Variants in GOLGA1 observed in about 807,000 individuals in gnomAD.
GOLGA1 encodes the protein golgin A1, also known as golgin subfamily A member 1.
GOLGA1 carries 63 observed loss-of-function variants against 119.7 expected under a neutral mutation model. That is an observed-to-expected ratio of 0.53 (90% confidence interval 0.43 to 0.65). The LOEUF (loss-of-function observed/expected upper bound fraction) is 0.65. Among genes scored for constraint, GOLGA1 ranks in the 30% least tolerant of loss-of-function variants. The probability of loss-of-function intolerance (pLI) is 0.00; values close to 1 mark genes in which losing one functional copy is unlikely to be tolerated. For synonymous variants in GOLGA1, 318 were observed against 333.4 expected (o/e 0.95, Z 0.50); for missense variants, 798 against 912.8 (o/e 0.87, Z 1.62).
Position 124,908,357 on chromosome 9 carries a change from AC to A in GOLGA1, c.1065+19del. 7.4e-7 allele frequency: 1 copy of A among 1,355,572 alleles called. No homozygotes were observed. The highest frequency in any genetic ancestry group is 1.1e-6 in the Non-Finnish European group (1 of 944,110). The allele number at this position is 1,355,572 out of a possible 1,614,324, so 84.0% of individuals were successfully genotyped here. On this transcript the variant is annotated intron_variant, in intron 12 of 22. Transcript: ENST00000373555. ...AGGTTACCACCCAAACTTAGGAAAC[AC>A]CAGGAGTAAGGTCAGTACCCGAGTC...
chr9:124,918,734 T>G (rs1412945104), intron 10 of GOLGA1, among the ~76,000 whole-genome samples: 1 of 151,972 alleles, frequency 6.6e-6, no homozygotes, highest in Non-Finnish European at 1.5e-5. Flanking sequence ...CCAGCCTAGG[T>G]GACAAAGTGA....
In GOLGA1 at chr9:124,878,331, A is replaced by G. The variant is rs1046730302; in HGVS notation, c.*2199T>C. 1 of 152,312 alleles carries G rather than the reference A, an allele frequency of 6.6e-6. No individual in the cohort carries two copies. Among genetic ancestry groups the G allele is most frequent in the African/African-American group, 2.4e-5 (1 of 41,454 alleles). 9.4% of individuals were successfully genotyped at this position (152,312 alleles called of 1,614,324 possible). A position where few individuals can be genotyped will look rare whatever the true frequency, so the allele number is the denominator to read the frequency against. ...AATACCAGATTTAATGAGTCAAAGA[A>G]ATACTGACACACCAAACTAGTAAAA... On this transcript the variant is annotated 3_prime_UTR_variant, in exon 23 of 23. Coordinates refer to ENST00000373555, the MANE Select transcript of GOLGA1 (RefSeq NM_002077.4).
chr9:124,927,003 G>A (rs951185647), intron 6 of GOLGA1, among the ~76,000 whole-genome samples: 1 of 152,122 alleles, frequency 6.6e-6, no homozygotes, highest in African/African-American at 2.4e-5. Context: ...ACTAAGCAGG[G>A]CACCCAAGAA....
upstream of GOLGA1, among the ~76,000 whole-genome samples, chr9:124,942,443 A>G (rs545027305): frequency 4.6e-5 from 7 of 152,344 alleles, no homozygotes; most frequent in South Asian, 1.4e-3. Flanking sequence ...CGCGTGTTCC[A>G]GTTCTGACCT....
intron 3 of GOLGA1, among the ~76,000 whole-genome samples, chr9:124,932,464 C>G (rs1024575290): frequency 1.3e-5 from 2 of 152,210 alleles, no homozygotes; most frequent in South Asian, 4.1e-4. Context: ...TGCAGCTTTA[C>G]CACTTACGAG....
At position 124,893,507 on chromosome 9, in the gene GOLGA1, G is replaced by T. The variant is rs376625457; in HGVS notation, c.1408-3029C>A. On this transcript the variant is annotated intron_variant, in intron 15 of 22. Coordinates refer to ENST00000373555, the MANE Select transcript of GOLGA1 (RefSeq NM_002077.4). ...TCACCCAGGAGCACTAATAACCTGG[G>T]ATCATTTTAATCCAAAATTAGCTAA... Among the ~76,000 whole-genome samples the T allele has an allele frequency of 3.9e-4, 60 of 152,182 alleles. 1 individual carries two copies. The highest frequency in any genetic ancestry group is 1.4e-3 in the African/African-American group (57 of 41,510).
chr9:124,896,016 G>C (rs1829980383), intron 15 of GOLGA1, among the ~76,000 whole-genome samples: 2 of 152,216 alleles, frequency 1.3e-5, no homozygotes, highest in Admixed American at 6.5e-5. Context: ...GAACCATCCG[G>C]CCTCAAACGT....
intron 15 of GOLGA1, among the ~76,000 whole-genome samples, chr9:124,892,011 A>G (rs376480345): frequency 7.9e-5 from 12 of 151,146 alleles, no homozygotes; most frequent in African/African-American, 2.9e-4. Flanking sequence ...CTGGAGTGCA[A>G]TGGCACGATC....
In GOLGA1 at chr9:124,903,651, CAA is replaced by C. The variant is rs11435294; in HGVS notation, c.1066-3106_1066-3105del. On this transcript the variant is annotated intron_variant, in intron 12 of 22. Coordinates refer to ENST00000373555, the MANE Select transcript of GOLGA1 (RefSeq NM_002077.4). ...CTCCACAAAAAGGGGAGAAAAAGAC[CAA>C]AAAAAAAAAAAAAAAAAAAGACAAA... Among the ~76,000 whole-genome samples, 435 of 91,278 alleles carry C rather than the reference CAA, an allele frequency of 4.8e-3. 2 individuals carry two copies. Among genetic ancestry groups the C allele is most frequent in the African/African-American group, 9.8e-3 (222 of 22,638 alleles). 59.9% of individuals were successfully genotyped at this position (91,278 alleles called of 152,430 possible). A position where few individuals can be genotyped will look rare whatever the true frequency, so the allele number is the denominator to read the frequency against.
intron 10 of GOLGA1, among the ~76,000 whole-genome samples, chr9:124,915,152 G>A (rs1025695106): frequency 1.2e-4 from 18 of 152,144 alleles, no homozygotes; most frequent in African/African-American, 3.4e-4. Flanking sequence ...ATCAATTCTG[G>A]GTGGTGGTCA....
intron 20 of GOLGA1, 112 bp downstream of exon 20, chr9:124,882,398 T>C (rs1420965673): frequency 2.6e-6 from 2 of 756,632 alleles, no homozygotes; most frequent in African/African-American, 1.7e-5. Context: ...CCCTTGCAAT[T>C]AATTAGGGGG....
chr9:124,921,671 C>A, intron 9 of GOLGA1, 52 bp downstream of exon 9: 1 of 1,421,572 alleles, frequency 7.0e-7, no homozygotes, highest in Non-Finnish European at 9.8e-7. Flanking sequence ...CAGGCTATAG[C>A]CAGAACTACA....
intron 15 of GOLGA1, among the ~76,000 whole-genome samples, chr9:124,891,616 G>A (rs570768263): frequency 4.6e-5 from 7 of 151,940 alleles, no homozygotes; most frequent in South Asian, 2.1e-4. Flanking sequence ...AGCAGTCCTC[G>A]CTACTATGAG....
chr9:124,947,600 C>G (rs1395465548), intron 1 of GOLGA1: 1 of 152,110 alleles, frequency 6.6e-6, no homozygotes, highest in African/African-American at 2.4e-5. Context: ...ACATAATATA[C>G]ACATACTGTA....
intron 2 of GOLGA1, among the ~76,000 whole-genome samples, chr9:124,939,550 C>CTTTCTTT (rs1830954280): frequency 2.4e-5 from 2 of 81,840 alleles, no homozygotes; most frequent in East Asian, 3.0e-4. Context: ...TTCTTTCTTT[C>CTTTCTTT]TTTTTTTTTT....
intron 15 of GOLGA1, among the ~76,000 whole-genome samples, chr9:124,897,560 C>T (rs1235796139): frequency 4.6e-5 from 7 of 152,126 alleles, no homozygotes; most frequent in Admixed American, 1.3e-4. Context: ...AGGCTGGTCT[C>T]GAACTTCTGA....
intron 12 of GOLGA1, among the ~76,000 whole-genome samples, chr9:124,900,808 C>A (rs1476463538): frequency 6.6e-6 from 1 of 152,056 alleles, no homozygotes; most frequent in Non-Finnish European, 1.5e-5. Flanking sequence ...CTTTTCCCTA[C>A]TCTTAAATGT....
rs1215781437 is a variant in GOLGA1 at position 124,933,916 on chromosome 9, C to CATG, written c.136-2511_136-2510insCAT. Among the ~76,000 whole-genome samples the CATG allele has an allele frequency of 1.3e-3, 197 of 152,304 alleles. 2 individuals carry two copies. The highest frequency in any genetic ancestry group is 4.4e-3 in the African/African-American group (181 of 41,570). The stretch of plus-strand genomic sequence containing the variant: ...TCTTGGAAGCTTGCACCTGTTTCCT[C>CATG]CAAGCTTTTCCCCATGCACCTTTTC... On this transcript the variant is annotated intron_variant, in intron 3 of 22. Coordinates refer to ENST00000373555, the MANE Select transcript of GOLGA1 (RefSeq NM_002077.4).
chr9:124,939,114 C>T (rs1206483318), intron 2 of GOLGA1, among the ~76,000 whole-genome samples: 1 of 151,738 alleles, frequency 6.6e-6, no homozygotes, highest in African/African-American at 2.4e-5. Flanking sequence ...GGTATTTGAA[C>T]AGAGGACTCT....
Sources: gnomAD v4.1 joint callset for allele counts (sites outside exome capture counted in the v4.1 genomes callset) on GRCh38, gnomAD v4.1.1 for gene constraint, MANE v1.5 for transcripts, NCBI Gene and HGNC (gene_info 2026-07-23, HGNC 2026-07-21) for gene names.